CCDC178: variants seen among roughly 807,000 people sequenced by gnomAD.
The protein encoded by CCDC178 is coiled-coil domain-containing protein 178.
CCDC178 carries 126 observed loss-of-function variants against 117.4 expected under a neutral mutation model. That is an observed-to-expected ratio of 1.07 (90% CI 0.93 to 1.24). CCDC178 has a LOEUF of 1.24. CCDC178 is among the 50% of genes most tolerant of loss of function. The pLI is 0.00. For missense variants in CCDC178, 1,030 were observed against 986.9 expected (o/e 1.04, Z -0.59); for synonymous variants, 283 against 313.4 (o/e 0.90, Z 1.02).
Position 33,189,954 on chromosome 18 carries a change from C to T in CCDC178, c.2238+21942G>A, listed in dbSNP as rs8092828. 4.6e-3 allele frequency among the ~76,000 whole-genome samples: 702 copies of T among 152,270 alleles called. 5 individuals carry two copies. The highest frequency in any genetic ancestry group is 0.016 in the African/African-American group (673 of 41,538). ...GGTGACAGATAGATACGGAGATACC[C>T]AATGGATGCCAGTGTGCCCTTATTC... is the stretch of plus-strand genomic sequence containing the variant. On this transcript the variant is annotated intron_variant, in intron 20 of 22. Transcript: ENST00000383096.
At chr18:33,030,906 G>A (rs2056329084) in intron 21 of CCDC178, among the ~76,000 whole-genome samples, 1 of 152,110 alleles carries the variant, frequency 6.6e-6, no homozygotes, top group African/African-American at 2.4e-5. Flanking sequence ...TAGGAAGCTG[G>A]TAGCATGGCT....
intron 3 of CCDC178, among the ~76,000 whole-genome samples, chr18:33,408,788 G>A (rs1317832191): frequency 2.0e-5 from 3 of 152,022 alleles, no homozygotes; most frequent in South Asian, 2.1e-4. Context: ...ATAAATAAAC[G>A]CACTATCAGT....
At chr18:33,011,767 CAAAAAAAAAAAAAAAAAAAA>C (rs71177899) in intron 21 of CCDC178, among the ~76,000 whole-genome samples, 11 of 30,010 alleles carry the variant, frequency 3.7e-4, no homozygotes, top group African/African-American at 4.6e-4. Flanking sequence ...GAGCAGAATG[CAAAAAAAAAAAAAAAAAAAA>C]AAAAAAAAAA....
intron 2 of CCDC178, among the ~76,000 whole-genome samples, chr18:33,420,259 C>T (rs1349359234): frequency 6.6e-6 from 1 of 152,084 alleles, no homozygotes; most frequent in Non-Finnish European, 1.5e-5. Context: ...AAGAAGGGAA[C>T]AACAGACACT....
At chr18:33,222,000 A>G (rs545243012) in intron 18 of CCDC178, among the ~76,000 whole-genome samples, 1 of 152,238 alleles carries the variant, frequency 6.6e-6, no homozygotes, top group Non-Finnish European at 1.5e-5. Context: ...AAAAATAATT[A>G]AATTACATTA....
intron 9 of CCDC178, 130 bp from the exon 10 acceptor site, chr18:33,333,524 T>G (rs1415340064): frequency 1.8e-6 from 1 of 569,966 alleles, no homozygotes; most frequent in Non-Finnish European, 2.8e-6. Context: ...TTTTTTTTTT[T>G]TTTTTTCCGA....
At chr18:33,325,895 C>T (rs145753657) in intron 10 of CCDC178, among the ~76,000 whole-genome samples, 190 of 152,310 alleles carry the variant, frequency 1.2e-3, no homozygotes, top group Non-Finnish European at 2.0e-3. Context: ...CAGTGGCATT[C>T]GGTGCATTCA....
intron 21 of CCDC178, among the ~76,000 whole-genome samples, chr18:33,015,311 T>C (rs2055961325): frequency 6.7e-6 from 1 of 150,084 alleles, no homozygotes; most frequent in Admixed American, 6.6e-5. Flanking sequence ...ACGCCTGTAA[T>C]CTCAGCACTT....
At chr18:33,107,876 T>C (rs972124633) in intron 20 of CCDC178, among the ~76,000 whole-genome samples, 6 of 151,720 alleles carry the variant, frequency 4.0e-5, no homozygotes, top group Admixed American at 3.3e-4. Flanking sequence ...ATTGTGCATG[T>C]ATGGAAAAAT....
At chr18:33,415,422 C>A (rs1453284199) in intron 2 of CCDC178, among the ~76,000 whole-genome samples, 4 of 151,958 alleles carry the variant, frequency 2.6e-5, no homozygotes, top group South Asian at 2.1e-4. Context: ...GAAGCTGGAA[C>A]CCATCAGTCT....
chr18:33,190,384 A>G (rs1281269290), intron 20 of CCDC178, among the ~76,000 whole-genome samples: 1 of 152,180 alleles, frequency 6.6e-6, no homozygotes, highest in Non-Finnish European at 1.5e-5. Flanking sequence ...CTTCACAGCT[A>G]CACAGAATTT....
At chr18:33,369,292 C>T (rs2063264287) in intron 6 of CCDC178, among the ~76,000 whole-genome samples, 1 of 151,850 alleles carries the variant, frequency 6.6e-6, no homozygotes, top group African/African-American at 2.4e-5. Context: ...AGCCTGCAAT[C>T]TTGAAGACTG....
At chr18:32,973,467 A>C (rs1756695517) in intron 22 of CCDC178, among the ~76,000 whole-genome samples, 1 of 152,064 alleles carries the variant, frequency 6.6e-6, no homozygotes, top group Admixed American at 6.6e-5. Context: ...AATTTCTACT[A>C]AATCTACATG....
At chr18:33,087,013 C>CA (rs1336226307) in intron 21 of CCDC178, among the ~76,000 whole-genome samples, 3 of 128,092 alleles carry the variant, frequency 2.3e-5, no homozygotes, top group African/African-American at 8.5e-5. Context: ...CACACACACA[C>CA]AACAAAATAG....
chr18:33,184,761 A>G (rs1598973914), intron 20 of CCDC178, among the ~76,000 whole-genome samples: 1 of 152,064 alleles, frequency 6.6e-6, no homozygotes, highest in East Asian at 1.9e-4. Flanking sequence ...ATAGTGAAGT[A>G]TTATATAGTT....
chr18:32,983,376 A>G (rs772723191), intron 21 of CCDC178: 142 of 1,414,332 alleles, frequency 1.0e-4, no homozygotes, highest in Non-Finnish European at 1.3e-5. Flanking sequence ...TATTACAAAT[A>G]TTACAAATGA....
chr18:33,207,396 T>C (rs991861351), intron 20 of CCDC178, among the ~76,000 whole-genome samples: 1 of 152,012 alleles, frequency 6.6e-6, no homozygotes, highest in African/African-American at 2.4e-5. Context: ...TGCAATTTGA[T>C]ATTTGAAAAC....
At chr18:33,059,974 C>T (rs1281253660) in intron 21 of CCDC178, among the ~76,000 whole-genome samples, 1 of 152,178 alleles carries the variant, frequency 6.6e-6, no homozygotes, top group African/African-American at 2.4e-5. Flanking sequence ...TGGGATGCTA[C>T]CTGCAGCTAC....
chr18:33,316,905 C>A (rs1049698800), intron 11 of CCDC178, among the ~76,000 whole-genome samples: 18 of 151,984 alleles, frequency 1.2e-4, no homozygotes, highest in Admixed American at 1.2e-3. Context: ...TCTAGCTAAT[C>A]TAGTGGGGAC....
Sources: allele counts gnomAD v4.1 joint callset (sites outside exome capture counted in the v4.1 genomes callset), GRCh38; gene constraint gnomAD v4.1.1; transcripts MANE v1.5; gene names NCBI Gene and HGNC (gene_info 2026-07-23, HGNC 2026-07-21).